Variants in UBR4 observed in about 807,000 individuals in gnomAD.
UBR4 encodes ubiquitin protein ligase E3 component n-recognin 4.
A neutral mutation model predicts 575.6 loss-of-function variants in UBR4; 124 were observed. The observed-to-expected ratio is 0.22, with a 90% CI of 0.19 to 0.25. The LOEUF (loss-of-function observed/expected upper bound fraction) is 0.25. UBR4 is among the 10% of genes least tolerant of loss of function. The pLI, the probability that UBR4 is intolerant of heterozygous loss-of-function variation, is 1.00. For missense variants in UBR4, 4,818 were observed against 6,478.8 expected (o/e 0.74, Z 8.80); for synonymous variants, 2,455 against 2,473.7 (o/e 0.99, Z 0.22).
In UBR4 at chr1:19,183,813, G is replaced by C. The variant is rs189376774; in HGVS notation, c.2182C>G (p.Gln728Glu). Residue 728 changes from glutamine (Q) to glutamate (E), a missense_variant and splice_region_variant, in exon 17 of 106, where the codon CAG (glutamine) becomes GAG (glutamate). By Grantham distance (29) the Gln-to-Glu change is conservative. This residue lies in a region of UBR4 where 1,172 missense variants were observed against 1,259.7 expected (regional missense o/e 0.93). Coordinates refer to ENST00000375254, the MANE Select transcript of UBR4 (RefSeq NM_020765.3). ...VTSDLQSPNL[Q>E]NTLLQQLGVA... is the part of the protein sequence containing the mutation. ...AGATGGTCACAGCACACACAAACCT[G>C]CAGGTTAGGTGACTGAAGGTCAGAG... 17 of 1,614,030 alleles carry C rather than the reference G, an allele frequency of 1.1e-5. No individual in the cohort carries two copies. The African/African-American group carries it at 2.0e-4, about 19-fold the overall frequency.
In UBR4 at chr1:19,173,095, T is replaced by C. The variant is rs2089804243; in HGVS notation, c.3292-2A>G. The C allele has an allele frequency of 6.2e-7, 1 of 1,613,830 alleles. No individual in the cohort carries two copies. The highest frequency in any genetic ancestry group is 8.5e-7 in the Non-Finnish European group (1 of 1,179,700). On this transcript the variant is annotated splice_acceptor_variant, in intron 24 of 105. Coordinates refer to ENST00000375254, the MANE Select transcript of UBR4 (RefSeq NM_020765.3). LOFTEE classifies it high-confidence loss of function. ...GTCGATACTACAGAAGGATGAGATC[T>C]TTAAAAATATGCAAAATATAATTAG...
chr1:19,208,291 C>T (rs1029293704), intron 1 of UBR4, among the ~76,000 whole-genome samples: 3 of 151,952 alleles, frequency 2.0e-5, no homozygotes, highest in African/African-American at 7.3e-5. Flanking sequence ...CATGGTGAAA[C>T]CTCATCTCTA....
At chr1:19,120,407 AAGGC>A (rs1227879690) in intron 68 of UBR4, 59 bp from the exon 69 acceptor site, 32 of 1,570,352 alleles carry the variant, frequency 2.0e-5, no homozygotes, top group African/African-American at 2.7e-5. Flanking sequence ...CCAGGGTCCT[AAGGC>A]CTGGGCTACC....
chr1:19,151,913 C>T (rs2085773087), intron 47 of UBR4, 54 bp from the exon 48 acceptor site: 2 of 1,439,598 alleles, frequency 1.4e-6, no homozygotes, highest in Non-Finnish European at 1.9e-6. Flanking sequence ...TAAGTTTTAA[C>T]TAGGACTCCT....
rs2081786446 is a variant in UBR4, at chr1:19,126,328, T to C, written c.9438+118A>G. On this transcript the variant is annotated intron_variant, in intron 64 of 105. Transcript: ENST00000375254. ...GCCGAGATTAACCCCCACCAAGGAA[T>C]GCCGGCTCCTTCCTATGGCTCTTCA... The C allele has an allele frequency of 2.5e-6, 3 of 1,195,194 alleles. No homozygotes were observed. The South Asian group carries it at 4.2e-5, about 17-fold the overall frequency. The allele number at this position is 1,195,194 out of a possible 1,614,324, so 74.0% of individuals were successfully genotyped here. A position where few individuals can be genotyped will look rare whatever the true frequency, so the allele number is the denominator to read the frequency against.
At position 19,121,274 on chromosome 1, in the gene UBR4, C is replaced by G. The variant is rs1193394193; in HGVS notation, c.10056G>C (p.Val3352=). The G allele has an allele frequency of 6.2e-7, 1 of 1,614,180 alleles. No homozygotes were observed. The highest frequency in any genetic ancestry group is 1.7e-5 in the Admixed American group (1 of 60,022). Residue 3352 remains valine (V), a synonymous_variant, in exon 68 of 106, where the codon GTG becomes GTC. Transcript: ENST00000375254. ...SSSASSSSAP[V]AASSGQATTQ... ...TTGTGGCTTGTCCAGAACTGGCAGC[C>G]ACAGGGGCTGAGGAGGAAGAAGCAC...
At chr1:19,208,529 T>G (rs1320582717) in intron 1 of UBR4, among the ~76,000 whole-genome samples, 4 of 145,936 alleles carry the variant, frequency 2.7e-5, no homozygotes, top group Admixed American at 2.0e-4. Context: ...CAAAGACCCA[T>G]CAGTTTGGAC....
intron 11 of UBR4, among the ~76,000 whole-genome samples, chr1:19,189,562 T>C (rs1482135670): frequency 3.3e-5 from 5 of 152,224 alleles, no homozygotes; most frequent in Admixed American, 2.0e-4. Flanking sequence ...TGTAAACTTA[T>C]ATATATTTTA....
At chr1:19,127,789 G>A (rs202028578) in intron 62 of UBR4, 50 bp from the exon 63 acceptor site, 20 of 1,453,118 alleles carry the variant, frequency 1.4e-5, no homozygotes, top group Non-Finnish European at 6.8e-6. Flanking sequence ...CGATGCTTGA[G>A]GCATCCTCTG....
rs891171078 is a variant in UBR4 at position 19,152,629 on chromosome 1, G to A, written c.6833-153C>T. Among the ~76,000 whole-genome samples the A allele has an allele frequency of 5.9e-5, 9 of 152,228 alleles. No individual in the cohort carries two copies. Among genetic ancestry groups the A allele is most frequent in the Non-Finnish European group, 1.2e-4 (8 of 68,044 alleles). On this transcript the variant is annotated intron_variant, in intron 46 of 105. Transcript: ENST00000375254. The surrounding 1 kb of genome is among the most constrained non-coding windows in gnomAD (Gnocchi z 4.4). ...TGCATCGGCATGATGCCTACATGTG[G>A]TTAGCTCTCCAATGGTTGTTATCCC...
intron 77 of UBR4, chr1:19,113,353 C>T (rs1034627423): frequency 1.3e-5 from 4 of 312,886 alleles, no homozygotes; most frequent in Admixed American, 9.3e-5. Context: ...GCAAACACGG[C>T]GTTATCAGAA....
chr1:19,147,624 T>G (rs191876429), intron 51 of UBR4, among the ~76,000 whole-genome samples: 2 of 152,210 alleles, frequency 1.3e-5, no homozygotes, highest in Non-Finnish European at 2.9e-5. Context: ...ACAGTACACT[T>G]CTCGTGCTGT....
chr1:19,093,314 T>C lies in UBR4; in HGVS notation c.14110A>G (p.Asn4704Asp). The C allele has an allele frequency of 6.2e-7, 1 of 1,613,364 alleles. No individual in the cohort carries two copies. The highest frequency in any genetic ancestry group is 8.5e-7 in the Non-Finnish European group (1 of 1,179,898). ...CCCCGCTGCGGGAGGGCTTCATACTTCTTGGCGCTAGGGATGTGCTTTTTC... is the reference window on the plus strand; with the variant it reads ...CCCCGCTGCGGGAGGGCTTCATACTCCTTGGCGCTAGGGATGTGCTTTTTC... ...YMKKHIPSAK[N>D]LDADIWKKFL... Residue 4704 changes from asparagine (N) to aspartate (D), a missense_variant and splice_region_variant, in exon 96 of 106, where the codon AAT becomes GAT. Transcript: ENST00000375254. This position sits in a 1 kb window ranked among gnomAD's most constrained non-coding sequence, Gnocchi z 4.8.
intron 15 of UBR4, among the ~76,000 whole-genome samples, chr1:19,184,821 A>G (rs1477637370): frequency 1.3e-5 from 2 of 152,074 alleles, no homozygotes; most frequent in African/African-American, 4.8e-5. Context: ...AGGTACAATC[A>G]CTCCCATATG....
Position 19,199,695 on chromosome 1 carries a change from G to C in UBR4, c.334C>G (p.Leu112Val). Reference protein sequence around the residue: ...AACKVLIEFSLLRLENPDEAC... With the variant: ...AACKVLIEFSVLRLENPDEAC... ...TCATCTGGATTCTCCAGACGCAGGA[G>C]AGAAAACTCAATTAGAACTTTACAG... The change falls in exon 3 of 106, where the codon CTC becomes GTC. Residue 112 changes from leucine (L) to valine (V), a missense_variant. Physicochemically the swap from Leu to Val is conservative, Grantham distance 32. Around this residue, in one of 29 missense-constraint regions of UBR4, gnomAD observed 85 missense variants for 134.2 expected, o/e 0.63. Coordinates refer to ENST00000375254, the MANE Select transcript of UBR4 (RefSeq NM_020765.3). The C allele has an allele frequency of 1.2e-6, 2 of 1,614,174 alleles. No homozygotes were observed. Among genetic ancestry groups the C allele is most frequent in the South Asian group, 1.1e-5 (1 of 91,086 alleles).
At chr1:19,195,778 C>T (rs1246270835) in intron 8 of UBR4, among the ~76,000 whole-genome samples, 1 of 152,094 alleles carries the variant, frequency 6.6e-6, no homozygotes, top group Non-Finnish European at 1.5e-5. Flanking sequence ...CACCAAAATA[C>T]CTTGTACAGT....
At position 19,139,252 on chromosome 1, in the gene UBR4, A is replaced by C. The variant is rs1373849128; in HGVS notation, c.8594-32T>G. 1 of 1,552,568 alleles carries C rather than the reference A, an allele frequency of 6.4e-7. No individual in the cohort carries two copies. On this transcript the variant is annotated intron_variant, in intron 58 of 105. Coordinates refer to ENST00000375254, the MANE Select transcript of UBR4 (RefSeq NM_020765.3). The surrounding 1 kb of genome is among the most constrained non-coding windows in gnomAD (Gnocchi z 4.2). ...GAGTAACGAGAGCTGTTACAGGTTA[A>C]AAAACAAACAAACAAACAAACAAAC...
intron 73 of UBR4, 138 bp from the exon 74 acceptor site, chr1:19,115,775 A>G (rs2080446581): frequency 7.3e-7 from 1 of 1,365,804 alleles, no homozygotes; most frequent in Non-Finnish European, 9.9e-7. Context: ...AATCTGGCAT[A>G]TAATAGGAAG....
intron 99 of UBR4, among the ~76,000 whole-genome samples, chr1:19,087,605 CATG>C (rs1017058130): frequency 1.3e-5 from 2 of 152,238 alleles, no homozygotes; most frequent in Non-Finnish European, 2.9e-5. Flanking sequence ...CAGCATTTGT[CATG>C]ATGATGATAA....
Sources: gnomAD v4.1 joint callset for allele counts (sites outside exome capture counted in the v4.1 genomes callset) on GRCh38, gnomAD v4.1.1 for gene constraint, gnomAD v4.1.1 regional missense constraint, Gnocchi (gnomAD v3.1) non-coding constraint, MANE v1.5 for transcripts, NCBI Gene and HGNC (gene_info 2026-07-23, HGNC 2026-07-21) for gene names.